Variants in ENPP1 observed in about 807,000 individuals in gnomAD.
ENPP1 encodes the protein ectonucleotide pyrophosphatase/phosphodiesterase family member 1.
ENPP1 carries 73 observed loss-of-function variants against 122.8 expected under a neutral mutation model. The observed-to-expected ratio is 0.59, with a 90% CI of 0.49 to 0.72. The LOEUF is 0.72. ENPP1 is among the 30% of genes least tolerant of loss of function. ENPP1 has a pLI of 0.00. For missense variants in ENPP1, 978 were observed against 1,128.1 expected (o/e 0.87, Z 1.91); for synonymous variants, 367 against 391.6 (o/e 0.94, Z 0.74).
intron 19 of ENPP1, among the ~76,000 whole-genome samples, chr6:131,879,254 C>T (rs1782271711): frequency 6.6e-6 from 1 of 152,228 alleles, no homozygotes; most frequent in East Asian, 1.9e-4. Context: ...TGAATGATGG[C>T]ACTTTCAGAA....
intron 1 of ENPP1, among the ~76,000 whole-genome samples, chr6:131,822,090 T>C (rs1781490985): frequency 6.6e-6 from 1 of 152,208 alleles, no homozygotes; most frequent in Non-Finnish European, 1.5e-5. Flanking sequence ...TTTGGATTAG[T>C]CGGGGAAATA....
Position 131,863,336 on chromosome 6 carries a change from A to G in ENPP1, c.1026-1170A>G, listed in dbSNP as rs558504182. Among the ~76,000 whole-genome samples the G allele has an allele frequency of 7.9e-5, 12 of 152,330 alleles. No homozygotes were observed. In the South Asian group the frequency reaches 2.3e-3, roughly 29 times the overall value. On this transcript the variant is annotated intron_variant, in intron 9 of 24. Transcript: ENST00000647893. ...TATTTGAAATCCATGATGCATTGAG[A>G]AAATACAAAAACTTTTTAATGGAAG...
chr6:131,823,750 TAGTG>T (rs993767402), intron 1 of ENPP1, among the ~76,000 whole-genome samples: 2 of 151,948 alleles, frequency 1.3e-5, no homozygotes, highest in African/African-American at 4.8e-5. Flanking sequence ...CCATAGAGCT[TAGTG>T]AGTAAGGCCA....
chr6:131,875,627 T>C lies in ENPP1; in HGVS notation c.1636-149T>C. The C allele has an allele frequency of 8.8e-6, 6 of 683,592 alleles. No individual in the cohort carries two copies. In the South Asian group the frequency reaches 9.9e-5, roughly 11 times the overall value. The allele number at this position is 683,592 out of a possible 1,614,324, so 42.3% of individuals were successfully genotyped here. On this transcript the variant is annotated intron_variant, in intron 16 of 24. Coordinates refer to ENST00000647893, the MANE Select transcript of ENPP1 (RefSeq NM_006208.3). ...TATGTGTGTGATAGGGTTAAAACTATATTTCCCACAAAGTCCACTGAGCGT... is the reference window on the plus strand; with the variant it reads ...TATGTGTGTGATAGGGTTAAAACTACATTTCCCACAAAGTCCACTGAGCGT...
At chr6:131,872,890 A>C in intron 14 of ENPP1, 33 bp from the exon 15 acceptor site, 1 of 1,610,944 alleles carries the variant, frequency 6.2e-7, no homozygotes, top group Non-Finnish European at 8.5e-7. Flanking sequence ...TATTAGGGAA[A>C]TAATAGTTTT....
At chr6:131,874,177 A>T in intron 15 of ENPP1, 91 bp from the exon 16 acceptor site, 2 of 875,258 alleles carry the variant, frequency 2.3e-6, no homozygotes, top group Non-Finnish European at 3.8e-6. Flanking sequence ...AAATAGTTAC[A>T]TACTTTTTAA....
rs1781980501 is a variant in ENPP1 at position 131,858,705 on chromosome 6, A to G, written c.753A>G (p.Val251=). The G allele has an allele frequency of 1.9e-6, 3 of 1,612,026 alleles. No individual in the cohort carries two copies. Among genetic ancestry groups the G allele is most frequent in the South Asian group, 1.1e-5 (1 of 91,044 alleles). ...CATATACTAAAAACATGAGACCGGT[A>G]TATCCAACAAAAACTTTCCCCAATC... is the stretch of plus-strand genomic sequence containing the variant. The part of the protein sequence containing the change: ...CGTYTKNMRP[V]YPTKTFPNHY... Residue 251 remains valine, a synonymous_variant, in exon 7 of 25, where the codon GTA becomes GTG. Transcript: ENST00000647893.
At chr6:131,852,153 T>C (rs1781890462) in intron 4 of ENPP1, 22 bp from the exon 5 acceptor site, 2 of 1,526,838 alleles carry the variant, frequency 1.3e-6, no homozygotes, top group Non-Finnish European at 1.8e-6. Flanking sequence ...GTGTTCATTT[T>C]ATTTTCTTGA....
At chr6:131,832,389 A>G (rs79363539) in intron 1 of ENPP1, among the ~76,000 whole-genome samples, 34 of 152,216 alleles carry the variant, frequency 2.2e-4, no homozygotes, top group African/African-American at 8.2e-4. Context: ...CCTTTCTCCA[A>G]TGAAGTGATA....
At chr6:131,809,291 AG>A (rs1203708986) in intron 1 of ENPP1, among the ~76,000 whole-genome samples, 2 of 152,234 alleles carry the variant, frequency 1.3e-5, no homozygotes, top group Non-Finnish European at 2.9e-5. Flanking sequence ...AATGCTTTGT[AG>A]AAAAATTTCT....
At chr6:131,882,650 T>TA (rs1782327877) in intron 21 of ENPP1, among the ~76,000 whole-genome samples, 176 bp downstream of exon 21, 1 of 58,490 alleles carries the variant, frequency 1.7e-5, no homozygotes, top group African/African-American at 1.7e-4. Flanking sequence ...ATATTACTAT[T>TA]TTATATATAT....
intron 6 of ENPP1, 98 bp downstream of exon 6, chr6:131,855,121 G>A: frequency 1.1e-6 from 1 of 905,664 alleles, no homozygotes; most frequent in Admixed American, 1.8e-5. Flanking sequence ...GAACCTAACT[G>A]TTTCACTAAA....
intron 14 of ENPP1, among the ~76,000 whole-genome samples, chr6:131,872,546 T>C (rs187434471): frequency 1.8e-4 from 27 of 152,266 alleles, no homozygotes; most frequent in African/African-American, 5.8e-4. Flanking sequence ...ACTCTTACAA[T>C]TGCACTTACA....
rs1231055355 is a variant in ENPP1 at position 131,891,749 on chromosome 6, T to C, written c.*1238T>C. 2.0e-5 allele frequency: 2 copies of C among 102,414 alleles called. No homozygotes were observed. The highest frequency in any genetic ancestry group is 3.7e-5 in the Non-Finnish European group (2 of 53,922). The allele number at this position is 102,414 out of a possible 1,614,324, so 6.3% of individuals were successfully genotyped here. A position where few individuals can be genotyped will look rare whatever the true frequency, so the allele number is the denominator to read the frequency against. ...ATTATTTAATAATTTAGGAAGTTGC[T>C]TTTTTTTTTTTTTTTTTTCAGTCCT... On this transcript the variant is annotated 3_prime_UTR_variant, in exon 25 of 25. Coordinates refer to ENST00000647893, the MANE Select transcript of ENPP1 (RefSeq NM_006208.3).
At chr6:131,854,855 G>A (rs1014966696) in intron 5 of ENPP1, 71 bp from the exon 6 acceptor site, 2 of 1,034,806 alleles carry the variant, frequency 1.9e-6, no homozygotes, top group South Asian at 1.3e-5. Flanking sequence ...TGCCAAGAAG[G>A]GGGTACATCT....
chr6:131,810,828 G>T (rs894109239), intron 1 of ENPP1, among the ~76,000 whole-genome samples: 12 of 152,162 alleles, frequency 7.9e-5, no homozygotes. Flanking sequence ...AGATGTGTGA[G>T]AGTGGATGAA....
chr6:131,864,896 A>G lies in ENPP1; in HGVS notation c.1122A>G (p.Glu374=). The change falls in exon 11 of 25, where the codon GAA becomes GAG. Residue 374 remains glutamate (E), a synonymous_variant. Coordinates refer to ENST00000647893, the MANE Select transcript of ENPP1 (RefSeq NM_006208.3). ...RPHFYTLYLE[E]PDSSGHSYGP... The stretch of plus-strand genomic sequence containing the variant: ...ACTTTTACACTCTGTATTTAGAAGA[A>G]CCAGATTCTTCAGGTCATTCATATG... 6.2e-7 allele frequency: 1 copy of G among 1,606,582 alleles called. No homozygotes were observed. Among genetic ancestry groups the G allele is most frequent in the Non-Finnish European group, 8.5e-7 (1 of 1,173,258 alleles).
At chr6:131,835,338 T>C (rs895388131) in intron 1 of ENPP1, among the ~76,000 whole-genome samples, 1 of 152,190 alleles carries the variant, frequency 6.6e-6, no homozygotes, top group African/African-American at 2.4e-5. Flanking sequence ...GGAGTTTTCT[T>C]TGAGTCTGTT....
chr6:131,828,868 T>C (rs1177648758), intron 1 of ENPP1, among the ~76,000 whole-genome samples: 1 of 152,254 alleles, frequency 6.6e-6, no homozygotes, highest in African/African-American at 2.4e-5. Flanking sequence ...ATATCTCCCA[T>C]TTCCTGTCCA....
Sources: gnomAD v4.1 joint callset for allele counts (sites outside exome capture counted in the v4.1 genomes callset) on GRCh38, gnomAD v4.1.1 for gene constraint, MANE v1.5 for transcripts, NCBI Gene and HGNC (gene_info 2026-07-23, HGNC 2026-07-21) for gene names.